OR52N4: variants seen among roughly 807,000 people sequenced by gnomAD.
OR52N4 encodes the protein olfactory receptor 52N4.
OR52N4 carries 15 observed loss-of-function variants against 15.0 expected under a neutral mutation model. The ratio of observed to expected loss-of-function variants is 1.00; its 90% CI spans 0.67 to 1.54. The LOEUF (loss-of-function observed/expected upper bound fraction) is 1.54. Ranked by LOEUF, OR52N4 falls within the 40% of genes most tolerant of loss-of-function variation. The probability of loss-of-function intolerance (pLI) is 0.00; values close to 1 mark genes in which losing one functional copy is unlikely to be tolerated. For synonymous variants in OR52N4, 143 were observed against 143.7 expected (o/e 1.00, Z 0.03); for missense variants, 421 against 394.0 (o/e 1.07, Z -0.58).
At chr11:5,746,147 C>G in the OR52N4 span, among the ~76,000 whole-genome samples, 1 of 152,014 alleles carries the variant, frequency 6.6e-6, no homozygotes, top group African/African-American at 2.4e-5. Flanking sequence ...TATGCCAAAA[C>G]TAATTTAAGA....
the OR52N4 span, among the ~76,000 whole-genome samples, chr11:5,739,112 A>G: frequency 1.7e-5 from 2 of 117,952 alleles, 1 homozygote; most frequent in East Asian, 5.8e-4. Flanking sequence ...AAATTAATGA[A>G]GAGAAAAGAC....
chr11:5,749,411 A>T (rs1158437179), upstream of OR52N4, among the ~76,000 whole-genome samples: 1 of 151,974 alleles, frequency 6.6e-6, no homozygotes, highest in Non-Finnish European at 1.5e-5. Flanking sequence ...TTATTTTCCC[A>T]AATCAAGCAT....
chr11:5,731,459 T>TGTAC, the OR52N4 span, among the ~76,000 whole-genome samples: 3 of 152,220 alleles, frequency 2.0e-5, no homozygotes, highest in Admixed American at 6.5e-5. Flanking sequence ...AGAATTGTTG[T>TGTAC]GTACGTCTCA....
chr11:5,753,126 A>G (rs753333716), upstream of OR52N4, among the ~76,000 whole-genome samples: 1 of 152,176 alleles, frequency 6.6e-6, no homozygotes, highest in Non-Finnish European at 1.5e-5. Context: ...GATGTATTCT[A>G]GTAAATATAT....
chr11:5,743,989 T>A, the OR52N4 span, among the ~76,000 whole-genome samples: 2 of 151,720 alleles, frequency 1.3e-5, no homozygotes, highest in Non-Finnish European at 2.9e-5. Flanking sequence ...GCAAGATTAA[T>A]GAAGGAAAAA....
chr11:5,752,301 G>T (rs1231394612), upstream of OR52N4, among the ~76,000 whole-genome samples: 1 of 152,128 alleles, frequency 6.6e-6, no homozygotes, highest in Non-Finnish European at 1.5e-5. Context: ...TTTAACCTGT[G>T]TTTTTCTACT....
At chr11:5,730,427 G>A in the OR52N4 span, among the ~76,000 whole-genome samples, 406 of 151,770 alleles carry the variant, frequency 2.7e-3, no homozygotes, top group Non-Finnish European at 4.8e-3. Flanking sequence ...TTCTGACCTC[G>A]TGATCCGCCC....
At chr11:5,746,903 G>T in the OR52N4 span, among the ~76,000 whole-genome samples, 1 of 151,920 alleles carries the variant, frequency 6.6e-6, no homozygotes, top group African/African-American at 2.4e-5. Context: ...TAGCGAATCA[G>T]ACTAAATGTA....
the OR52N4 span, among the ~76,000 whole-genome samples, chr11:5,747,245 G>A: frequency 2.6e-5 from 4 of 152,034 alleles, no homozygotes; most frequent in East Asian, 3.9e-4. Context: ...GGAAGGAATC[G>A]CTTGTGACCA....
chr11:5,741,276 A>C, the OR52N4 span, among the ~76,000 whole-genome samples: 1 of 152,242 alleles, frequency 6.6e-6, no homozygotes. Context: ...ATCTTAAGAC[A>C]TAAGAACATA....
At chr11:5,753,685 AC>A (rs1349038751), upstream of OR52N4, among the ~76,000 whole-genome samples, 4 of 150,366 alleles carry the variant, frequency 2.7e-5, no homozygotes, top group East Asian at 7.9e-4. Flanking sequence ...ATAGAAGCAT[AC>A]AATGTGTAAT....
the OR52N4 span, among the ~76,000 whole-genome samples, chr11:5,743,014 C>T: frequency 1.3e-5 from 2 of 152,056 alleles, no homozygotes; most frequent in African/African-American, 2.4e-5. Flanking sequence ...TGAGCACAGA[C>T]ATTCACAGGC....
chr11:5,732,954 T>G, the OR52N4 span, among the ~76,000 whole-genome samples: 1 of 152,188 alleles, frequency 6.6e-6, no homozygotes, highest in Admixed American at 6.5e-5. Flanking sequence ...AGTGCATGTA[T>G]GAGAAACTTA....
the OR52N4 span, among the ~76,000 whole-genome samples, chr11:5,729,181 A>G: frequency 5.5e-4 from 72 of 131,542 alleles, 1 homozygote; most frequent in African/African-American, 1.9e-3. Flanking sequence ...GTGCAGTGGC[A>G]TGATCTCAGC....
chr11:5,749,726 T>C (rs969101016), upstream of OR52N4, among the ~76,000 whole-genome samples: 3 of 151,794 alleles, frequency 2.0e-5, no homozygotes, highest in African/African-American at 2.4e-5. Flanking sequence ...ATATGAGAAG[T>C]TGGGTCTACT....
At chr11:5,745,980 G>A in the OR52N4 span, among the ~76,000 whole-genome samples, 2 of 152,108 alleles carry the variant, frequency 1.3e-5, no homozygotes, top group African/African-American at 4.8e-5. Flanking sequence ...AAACAGAATA[G>A]AGTATTCAGA....
upstream of OR52N4, among the ~76,000 whole-genome samples, chr11:5,753,361 C>A (rs750652101): frequency 1.1e-4 from 16 of 152,072 alleles, no homozygotes; most frequent in Non-Finnish European, 1.5e-4. Flanking sequence ...ATGAGAGATA[C>A]AATTTTTACT....
chr11:5,729,114 A>ATTTT, the OR52N4 span, among the ~76,000 whole-genome samples: 6,941 of 82,552 alleles, frequency 0.084, 883 homozygotes, highest in East Asian at 0.2. Flanking sequence ...TTAAATTGAG[A>ATTTT]TTTTTTTTTT....
chr11:5,728,772 G>T, the OR52N4 span, among the ~76,000 whole-genome samples: 1 of 152,174 alleles, frequency 6.6e-6, no homozygotes, highest in Non-Finnish European at 1.5e-5. Flanking sequence ...TGCACAAATA[G>T]TGAAACTCAG....
Sources: allele counts gnomAD v4.1 joint callset (sites outside exome capture counted in the v4.1 genomes callset), GRCh38; gene constraint gnomAD v4.1.1; transcripts MANE v1.5; gene names NCBI Gene and HGNC (gene_info 2026-07-23, HGNC 2026-07-21).